The following PCDHGA1 variants were observed in gnomAD, a reference collection of about 807,000 sequenced individuals.
The protein encoded by PCDHGA1 is protocadherin gamma-A1.
In PCDHGA1, 32 loss-of-function variants were observed where a neutral mutation model predicts 58.0. The observed-to-expected ratio is 0.55, with a 90% CI of 0.42 to 0.74. PCDHGA1 has a LOEUF of 0.74. Ranked by LOEUF, PCDHGA1 falls within the 30% of genes least tolerant of loss-of-function variation. The pLI, the probability that PCDHGA1 is intolerant of heterozygous loss-of-function variation, is 0.00. For synonymous variants in PCDHGA1, 498 were observed against 501.1 expected (o/e 0.99, Z 0.08); for missense variants, 1,205 against 1,182.3 (o/e 1.02, Z -0.28).
chr5:141,384,216 C>T (rs1342379342), intron 1 of PCDHGA1: 1 of 1,613,896 alleles, frequency 6.2e-7, no homozygotes, highest in Non-Finnish European at 8.5e-7. Context: ...CTCACATATT[C>T]ATGCAGGTGG....
At position 141,430,558 on chromosome 5, in the gene PCDHGA1, G is replaced by A. The variant is rs1472516429; in HGVS notation, c.2422-64249G>A. 2.2e-5 allele frequency: 9 copies of A among 417,488 alleles called. No homozygotes were observed. In the East Asian group the frequency reaches 3.3e-4, roughly 15 times the overall value. The allele number at this position is 417,488 out of a possible 1,614,324, so 25.9% of individuals were successfully genotyped here. On this transcript the variant is annotated intron_variant, in intron 1 of 3. Transcript: ENST00000517417. ...TCTGAGCGCCGCTGTTCACCAATCGGGGAGAGAAAAGCGGAGATCCTGCTC... is the reference window on the plus strand; with the variant it reads ...TCTGAGCGCCGCTGTTCACCAATCGAGGAGAGAAAAGCGGAGATCCTGCTC...
Position 141,331,531 on chromosome 5 carries a change from A to C in PCDHGA1, c.847A>C (p.Asn283His). 1 of 1,614,156 alleles carries C rather than the reference A, an allele frequency of 6.2e-7. No individual in the cohort carries two copies. Residue 283 changes from asparagine to histidine, a missense_variant, in exon 1 of 4, where the codon AAT (asparagine) becomes CAT (histidine). By Grantham distance (68) the Asn-to-His change is moderately conservative. Coordinates refer to ENST00000517417, the MANE Select transcript of PCDHGA1 (RefSeq NM_018912.3). ...ANGEVTYSFHNVDHRVAQIFR... is the reference protein window; with the variant it reads ...ANGEVTYSFHHVDHRVAQIFR... ...TGGGGAAGTAACGTACTCCTTTCAC[A>C]ATGTAGACCACAGAGTGGCCCAAAT...
At chr5:141,395,586 G>C (rs1222744910) in intron 1 of PCDHGA1, 1 of 169,736 alleles carries the variant, frequency 5.9e-6, no homozygotes, top group African/African-American at 2.8e-5. Context: ...GTGTGTGTGT[G>C]TGTGTATCCC....
intron 1 of PCDHGA1, chr5:141,421,999 TC>T: frequency 9.9e-6 from 16 of 1,609,214 alleles, no homozygotes; most frequent in Non-Finnish European, 1.4e-5. Context: ...AAACATCAGC[TC>T]CGGAACTCGG....
chr5:141,367,311 G>A (rs1390904308), intron 1 of PCDHGA1: 2 of 152,784 alleles, frequency 1.3e-5, no homozygotes, highest in Middle Eastern at 3.4e-3. Flanking sequence ...GGCTGAGGTG[G>A]GCGGATCACG....
At chr5:141,345,140 C>T (rs1446144250) in intron 1 of PCDHGA1, 4 of 1,613,798 alleles carry the variant, frequency 2.5e-6, no homozygotes, top group Non-Finnish European at 2.5e-6. Flanking sequence ...TTGCTCTTAT[C>T]GACGTGCATG....
At chr5:141,341,711 A>G (rs573027340) in intron 1 of PCDHGA1, 28 of 494,704 alleles carry the variant, frequency 5.7e-5, no homozygotes, top group Admixed American at 1.5e-4. Context: ...CATCTCATCC[A>G]CCCAGATCAA....
intron 1 of PCDHGA1, chr5:141,360,684 A>G (rs1025740579): frequency 6.2e-7 from 1 of 1,614,010 alleles, no homozygotes; most frequent in Non-Finnish European, 8.5e-7. Context: ...TCGCTGAGAA[A>G]CAGACTCCAG....
intron 1 of PCDHGA1, chr5:141,345,832 A>G: frequency 1.2e-6 from 2 of 1,613,492 alleles, no homozygotes; most frequent in Non-Finnish European, 1.7e-6. Context: ...GACTCGGGCC[A>G]GAACGCCTGG....
chr5:141,486,425 A>C lies in PCDHGA1; in HGVS notation c.2422-8382A>C. The C allele has an allele frequency of 6.2e-7, 1 of 1,614,228 alleles. No homozygotes were observed. On this transcript the variant is annotated intron_variant, in intron 1 of 3. Transcript: ENST00000517417. This position sits in a 1 kb window ranked among gnomAD's most constrained non-coding sequence, Gnocchi z 5.0. Reference sequence around the variant, plus strand: ...TGCTGGACCCTTGGATCGAGAGGCCAAATCTAGCTATGACATCATGGTCAC... The same window carrying C: ...TGCTGGACCCTTGGATCGAGAGGCCCAATCTAGCTATGACATCATGGTCAC...
rs368791778 is a variant in PCDHGA1, at chr5:141,409,216, T to C, written c.2421+76111T>C. The C allele has an allele frequency of 4.3e-6, 7 of 1,613,886 alleles. No homozygotes were observed. The African/African-American group carries it at 9.3e-5, about 22-fold the overall frequency. On this transcript the variant is annotated intron_variant, in intron 1 of 3. Coordinates refer to ENST00000517417, the MANE Select transcript of PCDHGA1 (RefSeq NM_018912.3). ...AGTGTAAAGTAATCATAGAAATCCT[T>C]GATGAAAACGACAACAGCCCAGAAA...
intron 1 of PCDHGA1, chr5:141,392,736 C>T: frequency 2.8e-6 from 4 of 1,429,672 alleles, no homozygotes; most frequent in Non-Finnish European, 3.7e-6. Context: ...TTGTCATCTC[C>T]ATAGCTGCGG....
intron 1 of PCDHGA1, among the ~76,000 whole-genome samples, chr5:141,466,493 A>G (rs2099123402): frequency 6.6e-6 from 1 of 152,226 alleles, no homozygotes; most frequent in South Asian, 2.1e-4. Context: ...TTCTTTAATT[A>G]GAGCACAGAC....
At chr5:141,349,394 A>T (rs1443384482) in intron 1 of PCDHGA1, among the ~76,000 whole-genome samples, 1 of 152,220 alleles carries the variant, frequency 6.6e-6, no homozygotes, top group Non-Finnish European at 1.5e-5. Flanking sequence ...CATATAAAAA[A>T]GAAGCACTGG....
chr5:141,370,436 G>A, intron 1 of PCDHGA1: 1 of 1,604,136 alleles, frequency 6.2e-7, no homozygotes, highest in Non-Finnish European at 8.5e-7. Context: ...CAGGGCAGAG[G>A]CGAATGCTAT....
chr5:141,361,591 C>T (rs776269447), intron 1 of PCDHGA1: 3 of 1,614,050 alleles, frequency 1.9e-6, no homozygotes, highest in South Asian at 1.1e-5. Context: ...CCCCAGTGGC[C>T]AAGTTTCCTA....
chr5:141,394,729 A>T (rs765609733), intron 1 of PCDHGA1: 44 of 1,613,302 alleles, frequency 2.7e-5, no homozygotes, highest in African/African-American at 4.0e-5. Flanking sequence ...GATGCGCTCA[A>T]GCAGAGCCTC....
At chr5:141,462,043 G>C (rs1310987622) in intron 1 of PCDHGA1, among the ~76,000 whole-genome samples, 1 of 152,100 alleles carries the variant, frequency 6.6e-6, no homozygotes, top group Non-Finnish European at 1.5e-5. Flanking sequence ...GGCGGGTCTT[G>C]AACTCCCGAC....
chr5:141,438,627 TATATATATACACAC>T (rs1407400493), intron 1 of PCDHGA1, among the ~76,000 whole-genome samples: 2,053 of 47,724 alleles, frequency 0.043, 22 homozygotes, highest in African/African-American at 0.13. Context: ...TATATATATA[TATATATATACACAC>T]ACACACACAC....
Sources: gnomAD v4.1 joint callset for allele counts (sites outside exome capture counted in the v4.1 genomes callset) on GRCh38, gnomAD v4.1.1 for gene constraint, Gnocchi (gnomAD v3.1) non-coding constraint, MANE v1.5 for transcripts, NCBI Gene and HGNC (gene_info 2026-07-23, HGNC 2026-07-21) for gene names.